The following NUDT3 variants were observed in gnomAD, a reference collection of about 807,000 sequenced individuals.
The protein encoded by NUDT3 is nudix hydrolase 3, also known as diphosphoinositol polyphosphate phosphohydrolase 1.
Under a neutral mutation model 23.6 loss-of-function variants are expected in NUDT3, and 9 were observed. That is an observed-to-expected ratio of 0.38 (90% CI 0.23 to 0.66). NUDT3 has a LOEUF of 0.66. Ranked by LOEUF, NUDT3 falls within the 30% of genes least tolerant of loss-of-function variation. NUDT3 has a pLI of 0.52. For missense variants in NUDT3, 172 were observed against 218.5 expected, an observed-to-expected ratio of 0.79 and a Z score of 1.34; for synonymous variants, 86 against 82.6, an observed-to-expected ratio of 1.04 and a Z score of -0.22.
intron 4 of NUDT3, among the ~76,000 whole-genome samples, chr6:34,292,189 G>A (rs1391161655): frequency 6.6e-6 from 1 of 152,162 alleles, no homozygotes; most frequent in African/African-American, 2.4e-5. Flanking sequence ...TCTGTTTTCA[G>A]TATATCCACA....
intron 1 of NUDT3, among the ~76,000 whole-genome samples, chr6:34,356,927 G>A (rs1455029773): frequency 3.3e-5 from 5 of 151,996 alleles, no homozygotes; most frequent in Non-Finnish European, 7.4e-5. Context: ...ACAGGCGCCC[G>A]CCACCATGCC....
intron 1 of NUDT3, among the ~76,000 whole-genome samples, chr6:34,371,540 G>A (rs753037407): frequency 1.4e-3 from 216 of 152,092 alleles, no homozygotes; most frequent in Non-Finnish European, 2.2e-3. Flanking sequence ...TGGGAAACAG[G>A]AAAGAACAAT....
Position 34,355,689 on chromosome 6 carries a change from T to G in NUDT3, c.100-13717A>C, listed in dbSNP as rs1041192888. On this transcript the variant is annotated intron_variant, in intron 1 of 4. Transcript: ENST00000607016. Reference sequence around the variant, plus strand: ...CCACCTGGCCCTACAGCTGTTTTTTTGGGGGGGTGGGGGGTGGGGGGAGGG... The same window carrying G: ...CCACCTGGCCCTACAGCTGTTTTTTGGGGGGGGTGGGGGGTGGGGGGAGGG... Among the ~76,000 whole-genome samples the G allele has an allele frequency of 1.6e-3, 163 of 99,822 alleles. 1 individual carries two copies. The Middle Eastern group carries it at 0.034, about 21-fold the overall frequency. 65.5% of individuals were successfully genotyped at this position (99,822 alleles called of 152,430 possible). A position where few individuals can be genotyped will look rare whatever the true frequency, so the allele number is the denominator to read the frequency against.
At chr6:34,374,963 T>C (rs1158997991) in intron 1 of NUDT3, among the ~76,000 whole-genome samples, 1 of 152,180 alleles carries the variant, frequency 6.6e-6, no homozygotes, top group Non-Finnish European at 1.5e-5. Context: ...CTCTTTCCCC[T>C]CTCCAGCGTC....
intron 1 of NUDT3, among the ~76,000 whole-genome samples, chr6:34,390,239 A>C (rs530626802): frequency 3.3e-5 from 5 of 151,704 alleles, no homozygotes; most frequent in African/African-American, 7.2e-5. Context: ...GGTTGCAGTG[A>C]GCCAAGATGG....
rs1325399309 is a variant in NUDT3, at chr6:34,392,496, G to C, written c.-134C>G. The C allele has an allele frequency of 1.8e-6, 1 of 543,076 alleles. No individual in the cohort carries two copies. Among genetic ancestry groups the C allele is most frequent in the South Asian group, 2.4e-5 (1 of 42,496 alleles). The allele number at this position is 543,076 out of a possible 1,614,324, so 33.6% of individuals were successfully genotyped here. ...GGGAGGGGGAGCTTCTCCGCTACAC[G>C]GCTCCGCCGCTGGCCCGCCGCGGCC... On this transcript the variant is annotated 5_prime_UTR_variant, in exon 1 of 5. Coordinates refer to ENST00000607016, the MANE Select transcript of NUDT3 (RefSeq NM_006703.4).
rs527359347 is a variant in NUDT3 at position 34,378,565 on chromosome 6, T to C, written c.99+13699A>G. Among the ~76,000 whole-genome samples, 15 of 152,358 alleles carry C rather than the reference T, an allele frequency of 9.8e-5. No individual in the cohort carries two copies. In the South Asian group the frequency reaches 2.5e-3, roughly 25 times the overall value. ...CAGAATATTGGAGTGGCAAGGACTA[T>C]AGGACCAATCTTAGAAGATAGGCCC... On this transcript the variant is annotated intron_variant, in intron 1 of 4. Transcript: ENST00000607016.
chr6:34,318,049 CA>C (rs1763887727), intron 2 of NUDT3, among the ~76,000 whole-genome samples: 1 of 152,116 alleles, frequency 6.6e-6, no homozygotes, highest in Non-Finnish European at 1.5e-5. Flanking sequence ...GCATCAAAAG[CA>C]AAAACCTAAC....
At chr6:34,364,889 C>A (rs1354577461) in intron 1 of NUDT3, among the ~76,000 whole-genome samples, 1 of 151,976 alleles carries the variant, frequency 6.6e-6, no homozygotes, top group Non-Finnish European at 1.5e-5. Flanking sequence ...GGCGCGGTGG[C>A]GGGTGCCTGT....
At chr6:34,375,236 C>T (rs1183437294) in intron 1 of NUDT3, among the ~76,000 whole-genome samples, 3 of 151,992 alleles carry the variant, frequency 2.0e-5, no homozygotes, top group Non-Finnish European at 4.4e-5. Context: ...CCGAGCTACT[C>T]GGGAGGCTGA....
chr6:34,314,197 T>G (rs1581860008), intron 2 of NUDT3, among the ~76,000 whole-genome samples: 1 of 150,356 alleles, frequency 6.7e-6, no homozygotes, highest in Non-Finnish European at 1.5e-5. Flanking sequence ...CCAAGGCGGG[T>G]GGATCACTTG....
chr6:34,357,324 G>C (rs1764577974), intron 1 of NUDT3, among the ~76,000 whole-genome samples: 2 of 151,998 alleles, frequency 1.3e-5, no homozygotes, highest in Admixed American at 6.6e-5. Context: ...CATAATAAAA[G>C]GTTTTTTTTT....
chr6:34,363,770 TTC>T (rs1216889119), intron 1 of NUDT3, among the ~76,000 whole-genome samples: 2 of 151,548 alleles, frequency 1.3e-5, no homozygotes, highest in Admixed American at 1.3e-4. Flanking sequence ...GTAATTTTTT[TTC>T]TTTTTCTTCT....
rs1017234435 is a variant in NUDT3 at position 34,286,465 on chromosome 6, G to T, written c.*2288C>A. ...CCATAAAGGTAGAATTTATCTGGAA[G>T]AATGTGTTTTTTGAATTCCACCTGG... On this transcript the variant is annotated 3_prime_UTR_variant, in exon 5 of 5. Transcript: ENST00000607016. The T allele has an allele frequency of 6.6e-6, 1 of 152,184 alleles. No individual in the cohort carries two copies. The highest frequency in any genetic ancestry group is 6.5e-5 in the Admixed American group (1 of 15,280). The allele number at this position is 152,184 out of a possible 1,614,324, so 9.4% of individuals were successfully genotyped here.
At chr6:34,365,026 T>C (rs1764705905) in intron 1 of NUDT3, among the ~76,000 whole-genome samples, 1 of 151,498 alleles carries the variant, frequency 6.6e-6, no homozygotes, top group South Asian at 2.1e-4. Context: ...GTCTCAAAAA[T>C]AAATAAATAA....
chr6:34,353,274 A>T (rs1024470943), intron 1 of NUDT3, among the ~76,000 whole-genome samples: 1 of 152,210 alleles, frequency 6.6e-6, no homozygotes, highest in African/African-American at 2.4e-5. Context: ...TTTTTTAAAT[A>T]ACCACAGGGT....
rs887754314 is a variant in NUDT3, at chr6:34,296,055, G to A, written c.211-370C>T. On this transcript the variant is annotated intron_variant, in intron 2 of 4. Transcript: ENST00000607016. Reference sequence around the variant, plus strand: ...GGCTGAATTGGGAGGATCGCTTGAGGATAAGAGTTCAAGATCAGTTTGGTC... The same window carrying A: ...GGCTGAATTGGGAGGATCGCTTGAGAATAAGAGTTCAAGATCAGTTTGGTC... Among the ~76,000 whole-genome samples the A allele has an allele frequency of 6.6e-5, 10 of 152,330 alleles. No individual in the cohort carries two copies. The East Asian group carries it at 1.7e-3, about 26-fold the overall frequency.
chr6:34,312,293 T>C (rs763611787), intron 2 of NUDT3, among the ~76,000 whole-genome samples: 3 of 151,758 alleles, frequency 2.0e-5, no homozygotes, highest in Non-Finnish European at 4.4e-5. Flanking sequence ...TTCCAGCTAC[T>C]TGGGAGACTG....
At chr6:34,298,514 A>G (rs1388191890) in intron 2 of NUDT3, among the ~76,000 whole-genome samples, 8 of 150,398 alleles carry the variant, frequency 5.3e-5, no homozygotes, top group African/African-American at 2.0e-4. Context: ...CAAATGTGTA[A>G]AATCTAGTGT....
Sources: allele counts gnomAD v4.1 joint callset (sites outside exome capture counted in the v4.1 genomes callset), GRCh38; gene constraint gnomAD v4.1.1; transcripts MANE v1.5; gene names NCBI Gene and HGNC (gene_info 2026-07-23, HGNC 2026-07-21).